ADGRL4: variants seen among roughly 807,000 people sequenced by gnomAD.
ADGRL4 encodes EGF, latrophilin and seven transmembrane domain containing 1.
Under a neutral mutation model 74.8 loss-of-function variants are expected in ADGRL4, and 90 were observed. The ratio of observed to expected loss-of-function variants is 1.20; its 90% CI spans 1.02 to 1.43. ADGRL4 has a LOEUF of 1.43. ADGRL4 is among the 40% of genes most tolerant of loss of function. The pLI is 0.00. For synonymous variants in ADGRL4, 311 were observed against 279.2 expected, an observed-to-expected ratio of 1.11 and a Z score of -1.14; for missense variants, 881 against 814.3, an observed-to-expected ratio of 1.08 and a Z score of -1.00.
intron 3 of ADGRL4, among the ~76,000 whole-genome samples, chr1:78,943,101 C>T (rs1906831): frequency 0.075 from 11,380 of 151,704 alleles, 636 homozygotes; most frequent in East Asian, 0.33. Context: ...AACTCACAGA[C>T]TGCCAAAGAA....
chr1:78,907,447 A>G (rs1198708647), intron 12 of ADGRL4, among the ~76,000 whole-genome samples: 1 of 152,010 alleles, frequency 6.6e-6, no homozygotes, highest in African/African-American at 2.4e-5. Flanking sequence ...CTGAGAGAAA[A>G]TCCATAAGGT....
intron 10 of ADGRL4, among the ~76,000 whole-genome samples, chr1:78,918,524 A>C (rs1420132343): frequency 1.3e-5 from 2 of 151,920 alleles, no homozygotes; most frequent in Non-Finnish European, 2.9e-5. Flanking sequence ...AAAGTAGATT[A>C]ATAATATATT....
intron 12 of ADGRL4, among the ~76,000 whole-genome samples, chr1:78,911,442 G>T (rs1371916208): frequency 2.0e-5 from 3 of 151,508 alleles, no homozygotes; most frequent in Admixed American, 2.0e-4. Context: ...GTTTCTATTG[G>T]TTTTCTTTGC....
At chr1:78,963,871 C>T (rs1650002229) in intron 2 of ADGRL4, among the ~76,000 whole-genome samples, 2 of 152,042 alleles carry the variant, frequency 1.3e-5, no homozygotes, top group Admixed American at 6.5e-5. Flanking sequence ...TGTTGCTGTT[C>T]AAAAAATGTG....
intron 3 of ADGRL4, among the ~76,000 whole-genome samples, chr1:78,942,503 A>C (rs1251077223): frequency 6.6e-6 from 1 of 152,232 alleles, no homozygotes; most frequent in Non-Finnish European, 1.5e-5. Context: ...GTAATTATTT[A>C]AGTCAGGCTA....
chr1:78,991,318 C>T (rs1170220861), intron 2 of ADGRL4, among the ~76,000 whole-genome samples: 1 of 152,002 alleles, frequency 6.6e-6, no homozygotes, highest in African/African-American at 2.4e-5. Context: ...TCTGGTTAAT[C>T]AAGCCCCAAA....
chr1:78,972,492 G>T (rs1184444618), intron 2 of ADGRL4, among the ~76,000 whole-genome samples: 1 of 152,014 alleles, frequency 6.6e-6, no homozygotes, highest in Non-Finnish European at 1.5e-5. Flanking sequence ...TAAAATATAA[G>T]AGGCAATGGT....
chr1:78,978,889 A>G (rs1300809364), intron 2 of ADGRL4, among the ~76,000 whole-genome samples: 1 of 151,964 alleles, frequency 6.6e-6, no homozygotes, highest in Non-Finnish European at 1.5e-5. Context: ...TTGTCCTAAC[A>G]TCCTATAAAT....
At chr1:78,966,886 T>G (rs550762076) in intron 2 of ADGRL4, among the ~76,000 whole-genome samples, 1 of 150,718 alleles carries the variant, frequency 6.6e-6, no homozygotes, top group East Asian at 1.9e-4. Flanking sequence ...TTTTTTTCAT[T>G]TAGAAGACAT....
chr1:78,990,473 T>C (rs934216873), intron 2 of ADGRL4, among the ~76,000 whole-genome samples: 4 of 152,076 alleles, frequency 2.6e-5, no homozygotes, highest in South Asian at 4.1e-4. Context: ...TTCCTATGGA[T>C]TACAATCTGA....
intron 8 of ADGRL4, among the ~76,000 whole-genome samples, chr1:78,924,277 G>T (rs887894776): frequency 2.6e-5 from 4 of 152,000 alleles, no homozygotes; most frequent in African/African-American, 9.7e-5. Context: ...ATTTGTGTGT[G>T]TCTGCGTGTA....
chr1:78,944,136 A>G (rs1649547447), intron 3 of ADGRL4, among the ~76,000 whole-genome samples: 1 of 152,230 alleles, frequency 6.6e-6, no homozygotes, highest in East Asian at 1.9e-4. Context: ...ACTTCAAGGA[A>G]CATGAACCGA....
intron 2 of ADGRL4, among the ~76,000 whole-genome samples, chr1:78,992,706 GT>G (rs1402636447): frequency 1.3e-5 from 2 of 152,070 alleles, no homozygotes; most frequent in Non-Finnish European, 1.5e-5. Flanking sequence ...TCTTGCCTCA[GT>G]GTTTTAATAT....
At chr1:79,004,223 C>T (rs981814261) in intron 2 of ADGRL4, among the ~76,000 whole-genome samples, 23 of 152,046 alleles carry the variant, frequency 1.5e-4, no homozygotes, top group African/African-American at 5.3e-4. Flanking sequence ...TTTTAACTTG[C>T]TATTTAATTA....
chr1:78,915,361 A>G (rs1648849750), intron 12 of ADGRL4, among the ~76,000 whole-genome samples: 2 of 151,910 alleles, frequency 1.3e-5, no homozygotes, highest in African/African-American at 4.8e-5. Flanking sequence ...TCCCGGGGAC[A>G]CATGAAAATT....
chr1:78,909,846 C>T (rs1055336250), intron 12 of ADGRL4, among the ~76,000 whole-genome samples: 2 of 151,748 alleles, frequency 1.3e-5, no homozygotes, highest in African/African-American at 4.8e-5. Flanking sequence ...AATAAAGATT[C>T]TCTGTGCAGT....
chr1:78,931,925 A>G (rs112482738), intron 7 of ADGRL4, among the ~76,000 whole-genome samples: 4,607 of 151,592 alleles, frequency 0.03, 143 homozygotes, highest in South Asian at 0.053. Context: ...CCAGATTCAT[A>G]AAACAAGTTG....
chr1:78,963,935 G>A (rs1650004406), intron 2 of ADGRL4, among the ~76,000 whole-genome samples: 1 of 152,098 alleles, frequency 6.6e-6, no homozygotes, highest in African/African-American at 2.4e-5. Context: ...TCAAATATCA[G>A]GCTTCCAGTT....
chr1:78,983,560 T>C (rs1381406760), intron 2 of ADGRL4, among the ~76,000 whole-genome samples: 2 of 151,278 alleles, frequency 1.3e-5, no homozygotes, highest in East Asian at 3.9e-4. Flanking sequence ...GTAAGACACA[T>C]AAGCAAAGAG....
Sources: gnomAD v4.1 joint callset for allele counts (sites outside exome capture counted in the v4.1 genomes callset) on GRCh38, gnomAD v4.1.1 for gene constraint, MANE v1.5 for transcripts, NCBI Gene and HGNC (gene_info 2026-07-23, HGNC 2026-07-21) for gene names.